GRIN3A: variants seen among roughly 807,000 people sequenced by gnomAD.
The protein encoded by GRIN3A is glutamate receptor ionotropic, NMDA 3A.
Under a neutral mutation model 92.4 loss-of-function variants are expected in GRIN3A, and 47 were observed. That is an observed-to-expected ratio of 0.51 (90% CI 0.40 to 0.65). The LOEUF (loss-of-function observed/expected upper bound fraction) is 0.65, where lower values mean the gene tolerates loss of function less well. Ranked by LOEUF, GRIN3A falls within the 30% of genes least tolerant of loss-of-function variation. The pLI, the probability that GRIN3A is intolerant of heterozygous loss-of-function variation, is 0.00. For synonymous variants in GRIN3A, 527 were observed against 540.6 expected (o/e 0.97, Z 0.35); for missense variants, 1,324 against 1,393.1 (o/e 0.95, Z 0.79).
intron 5 of GRIN3A, among the ~76,000 whole-genome samples, chr9:101,620,355 G>A (rs566456386): frequency 3.3e-5 from 5 of 152,266 alleles, no homozygotes; most frequent in African/African-American, 1.2e-4. Context: ...TTTTATTAGG[G>A]TGGAAACTTC....
chr9:101,604,622 CAG>C (rs140150607), intron 6 of GRIN3A, among the ~76,000 whole-genome samples: 1,603 of 152,202 alleles, frequency 0.011, 29 homozygotes, highest in African/African-American at 0.036. Flanking sequence ...GAAGAGCAGA[CAG>C]TGACATTTTA....
At position 101,708,418 on chromosome 9, in the gene GRIN3A, T is replaced by G. The variant is rs80188410; in HGVS notation, c.700-21218A>C. 0.022 allele frequency among the ~76,000 whole-genome samples: 3,294 copies of G among 152,288 alleles called. 237 individuals are homozygous for G. The East Asian group carries it at 0.27, about 13-fold the overall frequency. On this transcript the variant is annotated intron_variant, in intron 1 of 8. Coordinates refer to ENST00000361820, the MANE Select transcript of GRIN3A (RefSeq NM_133445.3). ...AGATAAAGCCAATTACAGCATATTT[T>G]CTTCCATTGGCACTAGGGGACTATT...
At chr9:101,677,381 TTCTC>T (rs984884272) in intron 2 of GRIN3A, among the ~76,000 whole-genome samples, 6 of 152,100 alleles carry the variant, frequency 3.9e-5, no homozygotes, top group African/African-American at 1.2e-4. Context: ...TTTTTTGTTT[TTCTC>T]TCTCCCTCCC....
chr9:101,589,399 A>C (rs2118803892), intron 6 of GRIN3A, among the ~76,000 whole-genome samples: 1 of 152,334 alleles, frequency 6.6e-6, no homozygotes, highest in African/African-American at 2.4e-5. Context: ...AAAAGGGTGA[A>C]AGCCATTCCC....
chr9:101,697,432 A>G (rs1829698162), intron 1 of GRIN3A, among the ~76,000 whole-genome samples: 1 of 152,200 alleles, frequency 6.6e-6, no homozygotes, highest in Non-Finnish European at 1.5e-5. Flanking sequence ...AGCAGCTCTG[A>G]TGACCTCAGG....
intron 8 of GRIN3A, 74 bp downstream of exon 8, chr9:101,577,694 T>G: frequency 9.1e-7 from 1 of 1,099,276 alleles, no homozygotes; most frequent in East Asian, 2.4e-5. Flanking sequence ...TGATTTGATC[T>G]GAATAATTAT....
chr9:101,588,328 C>T (rs1001314580), intron 6 of GRIN3A, among the ~76,000 whole-genome samples: 2 of 152,124 alleles, frequency 1.3e-5, no homozygotes, highest in Admixed American at 1.3e-4. Flanking sequence ...CTGCATGAGC[C>T]TGAGTAGTGC....
intron 3 of GRIN3A, among the ~76,000 whole-genome samples, chr9:101,664,778 C>T (rs1033987162): frequency 6.6e-6 from 1 of 151,762 alleles, no homozygotes; most frequent in Admixed American, 6.6e-5. Flanking sequence ...AAATATTCAC[C>T]CTCTTAATTC....
intron 2 of GRIN3A, among the ~76,000 whole-genome samples, chr9:101,684,172 G>C (rs555175229): frequency 2.0e-5 from 3 of 148,738 alleles, no homozygotes; most frequent in South Asian, 4.2e-4. Context: ...GCACGATCTC[G>C]GCTCACTGCA....
chr9:101,614,241 C>T (rs993895909), intron 5 of GRIN3A, among the ~76,000 whole-genome samples: 1 of 152,066 alleles, frequency 6.6e-6, no homozygotes, highest in Non-Finnish European at 1.5e-5. Flanking sequence ...TATTTTAAGA[C>T]CAGCAATTCT....
At chr9:101,709,291 C>T (rs557620192) in intron 1 of GRIN3A, among the ~76,000 whole-genome samples, 1 of 152,262 alleles carries the variant, frequency 6.6e-6, no homozygotes, top group South Asian at 2.1e-4. Flanking sequence ...ATGTCACCAG[C>T]TTCAGATGAT....
At chr9:101,682,905 C>A (rs946172140) in intron 2 of GRIN3A, among the ~76,000 whole-genome samples, 1 of 152,210 alleles carries the variant, frequency 6.6e-6, no homozygotes, top group Non-Finnish European at 1.5e-5. Flanking sequence ...TGGCGTGAAC[C>A]AGGGAGGCGG....
intron 1 of GRIN3A, among the ~76,000 whole-genome samples, chr9:101,719,457 G>A (rs1829985669): frequency 6.6e-6 from 1 of 151,844 alleles, no homozygotes; most frequent in African/African-American, 2.4e-5. Context: ...TGGGTTAGGA[G>A]GCCATTTAAA....
intron 2 of GRIN3A, among the ~76,000 whole-genome samples, chr9:101,673,105 G>GA (rs1467818420): frequency 2.0e-5 from 3 of 152,090 alleles, no homozygotes; most frequent in Non-Finnish European, 4.4e-5. Context: ...GGAAGTTGTG[G>GA]AAAGAGGAAC....
At chr9:101,621,224 G>T (rs1394213245) in intron 5 of GRIN3A, among the ~76,000 whole-genome samples, 3 of 151,118 alleles carry the variant, frequency 2.0e-5, no homozygotes, top group Non-Finnish European at 4.4e-5. Flanking sequence ...GGCAGAGGTT[G>T]CAGTGAGCTG....
intron 6 of GRIN3A, among the ~76,000 whole-genome samples, chr9:101,606,691 C>T (rs991872053): frequency 6.6e-6 from 1 of 151,756 alleles, no homozygotes; most frequent in African/African-American, 2.4e-5. Flanking sequence ...TGACTAGTTC[C>T]ATTTGGTAAA....
chr9:101,615,607 G>C (rs1173762933), intron 5 of GRIN3A, among the ~76,000 whole-genome samples: 1 of 151,866 alleles, frequency 6.6e-6, no homozygotes, highest in Non-Finnish European at 1.5e-5. Flanking sequence ...CACCTGCCTC[G>C]GCCTCCCAAA....
chr9:101,599,649 T>C (rs1237874522), intron 6 of GRIN3A, among the ~76,000 whole-genome samples: 2 of 152,222 alleles, frequency 1.3e-5, no homozygotes, highest in East Asian at 3.8e-4. Flanking sequence ...TATTTCAGCA[T>C]GTCATTTTTT....
At chr9:101,593,945 T>C (rs978305860) in intron 6 of GRIN3A, 1 of 155,148 alleles carries the variant, frequency 6.4e-6, no homozygotes, top group Non-Finnish European at 1.4e-5. Context: ...ACAAATATAT[T>C]TGTCCCTGTT....
Sources: gnomAD v4.1 joint callset for allele counts (sites outside exome capture counted in the v4.1 genomes callset) on GRCh38, gnomAD v4.1.1 for gene constraint, MANE v1.5 for transcripts, NCBI Gene and HGNC (gene_info 2026-07-23, HGNC 2026-07-21) for gene names.